The following HGD variants were observed in gnomAD, a reference collection of about 807,000 sequenced individuals.
HGD encodes the protein homogentisate oxidase.
A neutral mutation model predicts 60.8 loss-of-function variants in HGD; 61 were observed. The ratio of observed to expected loss-of-function variants is 1.00; its 90% confidence interval spans 0.82 to 1.24. HGD has a LOEUF of 1.24. Among genes scored for constraint, HGD ranks in the 50% most tolerant of loss-of-function variants. HGD has a pLI of 0.00. For missense variants in HGD, 542 were observed against 547.1 expected (o/e 0.99, Z 0.09); for synonymous variants, 212 against 187.7 (o/e 1.13, Z -1.06).
intron 4 of HGD, among the ~76,000 whole-genome samples, chr3:120,658,422 C>T (rs1227448599): frequency 6.6e-6 from 1 of 152,210 alleles, no homozygotes; most frequent in Non-Finnish European, 1.5e-5. Flanking sequence ...ACCTAATGTC[C>T]CACATCCAGG....
intron 1 of HGD, among the ~76,000 whole-genome samples, chr3:120,679,321 G>C (rs1042316694): frequency 3.3e-5 from 5 of 152,172 alleles, no homozygotes; most frequent in Non-Finnish European, 5.9e-5. Flanking sequence ...AGGAAAGAGA[G>C]AGAAGTCAGG....
chr3:120,635,064 A>T (rs1035357318), intron 12 of HGD, among the ~76,000 whole-genome samples: 1 of 152,206 alleles, frequency 6.6e-6, no homozygotes, highest in South Asian at 2.1e-4. Flanking sequence ...AGAGAGCAAA[A>T]CAGAATTCAG....
At chr3:120,678,869 A>G (rs1202773789) in intron 1 of HGD, among the ~76,000 whole-genome samples, 1 of 151,226 alleles carries the variant, frequency 6.6e-6, no homozygotes, top group East Asian at 1.9e-4. Flanking sequence ...CATTGAGCTC[A>G]AGGACAGAAT....
Position 120,674,930 on chromosome 3 carries a change from GA to G in HGD, c.146del (p.Phe49SerfsTer62). 1 of 1,611,788 alleles carries G rather than the reference GA, an allele frequency of 6.2e-7. No homozygotes were observed. The highest frequency in any genetic ancestry group is 1.1e-5 in the South Asian group (1 of 91,066). Reference protein sequence around the residue: ...LYAEQLSGSAFTCPRSTNKRS... With the variant: ...LYAEQLSGSAXTCPRSTNKRS... ...TCTTATTGGTGCTCCGTGGACAAGT[GA>G]AAGCCGATCCTGAGAGCTGCTCAGC... On this transcript the variant is annotated frameshift_variant, in exon 3 of 14. Coordinates refer to ENST00000283871, the MANE Select transcript of HGD (RefSeq NM_000187.4). LOFTEE classifies it high-confidence loss of function.
chr3:120,646,479 G>T, intron 8 of HGD, 113 bp from the exon 9 acceptor site: 2 of 771,076 alleles, frequency 2.6e-6, no homozygotes, highest in Non-Finnish European at 4.7e-6. Flanking sequence ...CTTGTTTGTT[G>T]AGCTGCTTGG....
chr3:120,677,828 A>G (rs1258323273), intron 1 of HGD: 3 of 152,218 alleles, frequency 2.0e-5, no homozygotes, highest in Non-Finnish European at 4.4e-5. Context: ...CCCGGCTTTA[A>G]AATTTCTCTC....
chr3:120,632,668 C>T (rs1367133070), intron 13 of HGD, among the ~76,000 whole-genome samples: 2 of 152,202 alleles, frequency 1.3e-5, no homozygotes. Flanking sequence ...TGGAGGATTA[C>T]TTCAAAACGC....
chr3:120,649,968 G>GA (rs1047572870), intron 6 of HGD, among the ~76,000 whole-genome samples: 8 of 151,604 alleles, frequency 5.3e-5, no homozygotes, highest in African/African-American at 1.7e-4. Flanking sequence ...CTCCTTTTAA[G>GA]AAAAAAAACG....
In HGD at chr3:120,636,910, C is replaced by T. The variant is rs144133416; in HGVS notation, c.1006+1545G>A. Among the ~76,000 whole-genome samples the T allele has an allele frequency of 3.0e-3, 450 of 152,226 alleles. 1 individual carries two copies. The highest frequency in any genetic ancestry group is 0.02 in the Middle Eastern group (6 of 294). On this transcript the variant is annotated intron_variant, in intron 12 of 13. Transcript: ENST00000283871. Reference sequence around the variant, plus strand: ...TATAAACAGAAGGCCCTGGAGTTTACTAAAGAAAGGAATTTGTTTTCTAGA... The same window carrying T: ...TATAAACAGAAGGCCCTGGAGTTTATTAAAGAAAGGAATTTGTTTTCTAGA...
At chr3:120,632,589 C>A (rs1246440027) in intron 13 of HGD, among the ~76,000 whole-genome samples, 1 of 152,188 alleles carries the variant, frequency 6.6e-6, no homozygotes, top group Non-Finnish European at 1.5e-5. Context: ...GAGGCAAGGG[C>A]TTTTTGACCC....
intron 9 of HGD, 29 bp downstream of exon 9, chr3:120,646,238 A>G: frequency 2.3e-6 from 3 of 1,314,052 alleles, no homozygotes; most frequent in South Asian, 2.4e-5. Flanking sequence ...ATCTCAAGCG[A>G]GGCTTAGAGG....
chr3:120,654,215 T>C (rs1306199048), intron 4 of HGD, among the ~76,000 whole-genome samples: 2 of 152,136 alleles, frequency 1.3e-5, no homozygotes, highest in East Asian at 1.9e-4. Flanking sequence ...GAAAGAGTCA[T>C]CTTTCTGGAT....
Position 120,675,861 on chromosome 3 carries a change from G to A in HGD, c.18C>T (p.Tyr6=), listed in dbSNP as rs769728875. ...AACACTCATTCCCAAATCCAGAAATGTACTGTAGGTGACAAAGACACAAAT... is the reference window on the plus strand; with the variant it reads ...AACACTCATTCCCAAATCCAGAAATATACTGTAGGTGACAAAGACACAAAT... MAELK[Y]ISGFGNECSS... Residue 6 remains tyrosine, a splice_region_variant and synonymous_variant, in exon 2 of 14, where the codon TAC becomes TAT. Coordinates refer to ENST00000283871, the MANE Select transcript of HGD (RefSeq NM_000187.4). The A allele has an allele frequency of 1.9e-5, 30 of 1,612,530 alleles. No individual in the cohort carries two copies. Among genetic ancestry groups the A allele is most frequent in the Non-Finnish European group, 2.5e-5 (29 of 1,178,670 alleles).
intron 12 of HGD, among the ~76,000 whole-genome samples, chr3:120,634,864 T>C (rs1323096429): frequency 6.6e-6 from 1 of 152,252 alleles, no homozygotes; most frequent in South Asian, 2.1e-4. Flanking sequence ...TGTGAGCTCC[T>C]GCTGAAGAGG....
At chr3:120,680,499 G>A (rs532489948) in intron 1 of HGD, among the ~76,000 whole-genome samples, 3 of 152,294 alleles carry the variant, frequency 2.0e-5, no homozygotes, top group African/African-American at 7.2e-5. Flanking sequence ...GCTTAAACAT[G>A]ACAGCAGGAT....
At chr3:120,629,424 A>C (rs1418290425) in intron 13 of HGD, among the ~76,000 whole-genome samples, 1 of 152,204 alleles carries the variant, frequency 6.6e-6, no homozygotes, top group Admixed American at 6.5e-5. Flanking sequence ...ATATACATTA[A>C]ATTATTTTTG....
At chr3:120,651,590 CTTAATAAAGATGA>C in intron 5 of HGD, among the ~76,000 whole-genome samples, 1 of 152,288 alleles carries the variant, frequency 6.6e-6, no homozygotes, top group South Asian at 2.1e-4. Flanking sequence ...GTTTGGAGCA[CTTAATAAAGATGA>C]GAACTTCAAG....
At chr3:120,651,089 G>A (rs556179815) in intron 5 of HGD, among the ~76,000 whole-genome samples, 1 of 152,338 alleles carries the variant, frequency 6.6e-6, no homozygotes, top group Non-Finnish European at 1.5e-5. Context: ...CTAAATCTGG[G>A]TTGTCTTAGT....
chr3:120,670,238 T>C (rs1446784849), intron 4 of HGD, 189 bp downstream of exon 4: 1 of 613,596 alleles, frequency 1.6e-6, no homozygotes. Context: ...TGGTTATTTT[T>C]TCATAGCAGC....
Sources: allele counts gnomAD v4.1 joint callset (sites outside exome capture counted in the v4.1 genomes callset), GRCh38; gene constraint gnomAD v4.1.1; transcripts MANE v1.5; gene names NCBI Gene and HGNC (gene_info 2026-07-23, HGNC 2026-07-21).